The following RABEP1 variants were observed in gnomAD, a reference collection of about 807,000 sequenced individuals.
RABEP1 encodes the protein rabaptin, RAB GTPase binding effector protein 1, also known as rab GTPase-binding effector protein 1.
RABEP1 carries 51 observed loss-of-function variants against 123.4 expected under a neutral mutation model. That is an observed-to-expected ratio of 0.41 (90% CI 0.33 to 0.52). RABEP1 has a LOEUF of 0.52. Among genes scored for constraint, RABEP1 ranks in the 20% least tolerant of loss-of-function variants. RABEP1 has a pLI of 0.16. For missense variants in RABEP1, 888 were observed against 996.3 expected, an observed-to-expected ratio of 0.89 and a Z score of 1.46; for synonymous variants, 347 against 355.2, an observed-to-expected ratio of 0.98 and a Z score of 0.26.
At position 5,331,601 on chromosome 17, in the gene RABEP1, G is replaced by A. The variant is rs146672525; in HGVS notation, c.164-348G>A. On this transcript the variant is annotated intron_variant, in intron 2 of 17. Transcript: ENST00000537505. ...TGTGGAAGGTAATGTACTAATTAGC[G>A]TTTCCAATAAATTATCATTACAACA... 5.2e-4 allele frequency among the ~76,000 whole-genome samples: 79 copies of A among 152,230 alleles called. 1 individual carries two copies. The highest frequency in any genetic ancestry group is 1.8e-3 in the African/African-American group (76 of 41,544).
chr17:5,293,500 G>A (rs954558065), intron 1 of RABEP1, among the ~76,000 whole-genome samples: 7 of 151,938 alleles, frequency 4.6e-5, no homozygotes, highest in East Asian at 1.9e-4. Flanking sequence ...GTGTGATCAC[G>A]GCTCAATGTA....
intron 1 of RABEP1, among the ~76,000 whole-genome samples, chr17:5,305,778 C>G (rs1366884680): frequency 3.3e-5 from 5 of 152,164 alleles, no homozygotes; most frequent in Admixed American, 6.6e-5. Flanking sequence ...GCACAGAGAA[C>G]AGATTTCTTT....
chr17:5,322,294 G>C (rs1239679277), intron 2 of RABEP1, among the ~76,000 whole-genome samples: 1 of 152,052 alleles, frequency 6.6e-6, no homozygotes, highest in East Asian at 1.9e-4. Context: ...GGAGTTTGAG[G>C]TTGCAGTGAG....
intron 2 of RABEP1, among the ~76,000 whole-genome samples, chr17:5,324,959 A>G (rs1206396545): frequency 6.6e-6 from 1 of 152,238 alleles, no homozygotes; most frequent in Non-Finnish European, 1.5e-5. Flanking sequence ...AGGTTCCTCA[A>G]AAGACTAAAA....
chr17:5,298,744 C>T (rs1471989065), intron 1 of RABEP1, among the ~76,000 whole-genome samples: 2 of 151,098 alleles, frequency 1.3e-5, no homozygotes, highest in East Asian at 3.9e-4. Flanking sequence ...TAACCTCCGC[C>T]TCCCGGGTTC....
At chr17:5,376,743 T>C (rs1401012085) in intron 13 of RABEP1, among the ~76,000 whole-genome samples, 1 of 152,246 alleles carries the variant, frequency 6.6e-6, no homozygotes, top group African/African-American at 2.4e-5. Flanking sequence ...GTGAACTTGC[T>C]ACTCAGTTTT....
chr17:5,351,829 G>A (rs1251490268), intron 7 of RABEP1, among the ~76,000 whole-genome samples: 4 of 151,994 alleles, frequency 2.6e-5, no homozygotes, highest in Non-Finnish European at 5.9e-5. Flanking sequence ...TTTCCCATAA[G>A]CATTATCCTG....
At chr17:5,347,932 A>G (rs1908208964) in intron 6 of RABEP1, among the ~76,000 whole-genome samples, 1 of 152,214 alleles carries the variant, frequency 6.6e-6, no homozygotes, top group Admixed American at 6.5e-5. Flanking sequence ...AATTAAAATG[A>G]GGAAGGACAT....
chr17:5,343,072 C>T (rs538053756), intron 5 of RABEP1, among the ~76,000 whole-genome samples: 1 of 152,196 alleles, frequency 6.6e-6, no homozygotes, highest in Non-Finnish European at 1.5e-5. Flanking sequence ...CCAGCCTGGC[C>T]AACATGGTGA....
intron 2 of RABEP1, among the ~76,000 whole-genome samples, chr17:5,327,054 C>T (rs1326311938): frequency 6.6e-6 from 1 of 152,110 alleles, no homozygotes; most frequent in Non-Finnish European, 1.5e-5. Flanking sequence ...TTGTATTAAA[C>T]ATAGCTAAAC....
At chr17:5,357,548 T>A (rs971401392) in intron 8 of RABEP1, among the ~76,000 whole-genome samples, 2 of 152,036 alleles carry the variant, frequency 1.3e-5, no homozygotes, top group African/African-American at 4.8e-5. Context: ...TTTTTGTATT[T>A]TTAGTACAGA....
chr17:5,334,087 G>A (rs996288975), intron 3 of RABEP1, among the ~76,000 whole-genome samples: 4 of 149,242 alleles, frequency 2.7e-5, no homozygotes, highest in African/African-American at 9.9e-5. Context: ...AGGCTTGAGT[G>A]CAGTGGTGTG....
intron 1 of RABEP1, among the ~76,000 whole-genome samples, chr17:5,299,730 TC>T (rs1385190370): frequency 0.035 from 4,079 of 117,302 alleles, 289 homozygotes; most frequent in African/African-American, 0.096. Flanking sequence ...TTTTTCTTTT[TC>T]TTTTTTTTTT....
intron 1 of RABEP1, among the ~76,000 whole-genome samples, chr17:5,282,884 C>G (rs1013348795): frequency 6.6e-6 from 1 of 151,792 alleles, no homozygotes; most frequent in African/African-American, 2.4e-5. Context: ...GTGCTATATT[C>G]GTTAAAGAAA....
intron 17 of RABEP1, among the ~76,000 whole-genome samples, chr17:5,382,713 C>T (rs137998632): frequency 0.025 from 3,769 of 152,012 alleles, 153 homozygotes; most frequent in African/African-American, 0.086. Context: ...GATCATGCCA[C>T]TGCACTCCAG....
At chr17:5,318,426 T>TA (rs1351311011) in intron 2 of RABEP1, among the ~76,000 whole-genome samples, 4 of 152,034 alleles carry the variant, frequency 2.6e-5, no homozygotes, top group Non-Finnish European at 4.4e-5. Context: ...CCAATGTAAG[T>TA]AAAAAAAGAT....
rs1911157355 is a variant in RABEP1, at chr17:5,378,180, C to G, written c.2219C>G (p.Ser740Cys). ...EIENCKEEIA[S>C]ISSLKAELER... Reference sequence around the variant, plus strand: ...CATCTCATTTTTTTCCTTCTAGCTTCTATTTCTAGCCTAAAAGCTGAATTA... The same window carrying G: ...CATCTCATTTTTTTCCTTCTAGCTTGTATTTCTAGCCTAAAAGCTGAATTA... The change falls in exon 15 of 18, where the codon TCT becomes TGT. Residue 740 changes from serine to cysteine, a missense_variant. Ser to Cys is a moderately radical substitution (Grantham distance 112). Transcript: ENST00000537505. The G allele has an allele frequency of 6.3e-7, 1 of 1,581,746 alleles. No homozygotes were observed. Among genetic ancestry groups the G allele is most frequent in the African/African-American group, 1.4e-5 (1 of 73,916 alleles).
chr17:5,379,919 G>A (rs1911309885), intron 15 of RABEP1, among the ~76,000 whole-genome samples: 2 of 152,156 alleles, frequency 1.3e-5, no homozygotes, highest in South Asian at 4.1e-4. Flanking sequence ...CTGTGCTGTA[G>A]GCCAGCCGAA....
At chr17:5,326,575 C>G (rs1336615232) in intron 2 of RABEP1, among the ~76,000 whole-genome samples, 1 of 152,132 alleles carries the variant, frequency 6.6e-6, no homozygotes, top group Non-Finnish European at 1.5e-5. Context: ...CATGTCGTTA[C>G]ACATTTGTTA....
Sources: allele counts gnomAD v4.1 joint callset (sites outside exome capture counted in the v4.1 genomes callset), GRCh38; gene constraint gnomAD v4.1.1; transcripts MANE v1.5; gene names NCBI Gene and HGNC (gene_info 2026-07-23, HGNC 2026-07-21).